Variants in CLEC2D observed in about 807,000 individuals in gnomAD.
CLEC2D encodes C-type lectin domain family 2 member D.
In CLEC2D, 16 loss-of-function variants were observed where a neutral mutation model predicts 20.0. The ratio of observed to expected loss-of-function variants is 0.80; its 90% CI spans 0.54 to 1.22. The LOEUF (loss-of-function observed/expected upper bound fraction) is 1.22, where lower values mean the gene tolerates loss of function less well. CLEC2D is among the 50% of genes most tolerant of loss of function. The pLI, the probability that CLEC2D is intolerant of heterozygous loss-of-function variation, is 0.00. For synonymous variants in CLEC2D, 77 were observed against 71.1 expected, an observed-to-expected ratio of 1.08 and a Z score of -0.42; for missense variants, 207 against 221.5, an observed-to-expected ratio of 0.93 and a Z score of 0.42.
Position 9,698,117 on chromosome 12 carries a change from GACA to G in CLEC2D, c.*3246_*3248del, listed in dbSNP as rs1440765663. On this transcript the variant is annotated 3_prime_UTR_variant, in exon 5 of 5. Coordinates refer to ENST00000290855, the MANE Select transcript of CLEC2D (RefSeq NM_013269.6). Reference sequence around the variant, plus strand: ...ATTTTTATTTTTTAAATTTTTAGCTGACAACTGTATAATTATGGAATACAATGT... The same window carrying G: ...ATTTTTATTTTTTAAATTTTTAGCTGACTGTATAATTATGGAATACAATGT... 2.0e-5 allele frequency: 3 copies of G among 152,010 alleles called. No homozygotes were observed. Among genetic ancestry groups the G allele is most frequent in the Admixed American group, 6.6e-5 (1 of 15,238 alleles). 9.4% of individuals were successfully genotyped at this position (152,010 alleles called of 1,614,324 possible). A position where few individuals can be genotyped will look rare whatever the true frequency, so the allele number is the denominator to read the frequency against.
chr12:9,683,069 G>A (rs1037138285), intron 2 of CLEC2D, among the ~76,000 whole-genome samples: 5 of 152,070 alleles, frequency 3.3e-5, no homozygotes, highest in African/African-American at 4.8e-5. Context: ...TCTCATTGTT[G>A]TTTTGATTTG....
Position 9,692,909 on chromosome 12 carries a change from A to G in CLEC2D, c.439A>G (p.Asn147Asp). The change falls in exon 4 of 5, where the codon AAT becomes GAT. Residue 147 changes from asparagine (N) to aspartate (D), a missense_variant. Transcript: ENST00000290855. ...REQGQPWKWINGTEWTRQFPI... is the reference protein window; with the variant it reads ...REQGQPWKWIDGTEWTRQFPI... Reference sequence around the variant, plus strand: ...ACAAGGCCAACCATGGAAATGGATAAATGGTACTGAATGGACAAGACAGTA... The same window carrying G: ...ACAAGGCCAACCATGGAAATGGATAGATGGTACTGAATGGACAAGACAGTA... 1.2e-6 allele frequency: 2 copies of G among 1,613,420 alleles called. No homozygotes were observed. Among genetic ancestry groups the G allele is most frequent in the Non-Finnish European group, 1.7e-6 (2 of 1,179,456 alleles).
intron 1 of CLEC2D, among the ~76,000 whole-genome samples, chr12:9,673,683 C>T (rs55939269): frequency 0.038 from 5,864 of 152,324 alleles, 186 homozygotes; most frequent in Middle Eastern, 0.068. Context: ...AACTGCCTCT[C>T]CCCTCAGGTT....
rs1439571609 is a variant in CLEC2D, at chr12:9,694,921, GATAA to G, written c.*48_*51del. ...TAATCTTTAGAAGCATATTGGAACT[GATAA>G]CTCCATTTTAAAATGAGCAAAGAAT... is the stretch of plus-strand genomic sequence containing the variant. On this transcript the variant is annotated 3_prime_UTR_variant, in exon 5 of 5. Transcript: ENST00000290855. The G allele has an allele frequency of 3.1e-6, 3 of 964,646 alleles. No homozygotes were observed. In the African/African-American group the frequency reaches 4.8e-5, roughly 16 times the overall value. The allele number at this position is 964,646 out of a possible 1,614,324, so 59.8% of individuals were successfully genotyped here. A position where few individuals can be genotyped will look rare whatever the true frequency, so the allele number is the denominator to read the frequency against.
In CLEC2D at chr12:9,695,046, T is replaced by C. The variant is rs1865950227; in HGVS notation, c.*172T>C. On this transcript the variant is annotated 3_prime_UTR_variant, in exon 5 of 5. Coordinates refer to ENST00000290855, the MANE Select transcript of CLEC2D (RefSeq NM_013269.6). ...AATCATAGTAAAATATTACCTGTTTTCATGGTGCTAATATTACCTGTTCTC... is the reference window on the plus strand; with the variant it reads ...AATCATAGTAAAATATTACCTGTTTCCATGGTGCTAATATTACCTGTTCTC... The C allele has an allele frequency of 3.4e-6, 2 of 592,794 alleles. No homozygotes were observed. The highest frequency in any genetic ancestry group is 5.8e-5 in the Admixed American group (2 of 34,388). 36.7% of individuals were successfully genotyped at this position (592,794 alleles called of 1,614,324 possible).
At chr12:9,681,069 A>G in intron 2 of CLEC2D, 36 bp downstream of exon 2, 1 of 1,052,546 alleles carries the variant, frequency 9.5e-7, no homozygotes, top group Non-Finnish European at 1.4e-6. Context: ...TCTAGAGAGA[A>G]TTATACTTGT....
intron 1 of CLEC2D, among the ~76,000 whole-genome samples, chr12:9,673,284 TTC>T (rs1414188121): frequency 6.6e-6 from 1 of 152,228 alleles, no homozygotes; most frequent in Non-Finnish European, 1.5e-5. Context: ...TGTTGTTACT[TTC>T]TGTTTGTTTG....
chr12:9,688,232 C>T, intron 3 of CLEC2D, 146 bp downstream of exon 3: 1 of 1,251,856 alleles, frequency 8.0e-7, no homozygotes, highest in East Asian at 3.1e-5. Context: ...GAAAGAGTAA[C>T]CTAGCATGTA....
At chr12:9,691,642 C>A (rs10844476) in intron 3 of CLEC2D, among the ~76,000 whole-genome samples, 1 of 152,068 alleles carries the variant, frequency 6.6e-6, no homozygotes, top group East Asian at 1.9e-4. Context: ...TTTAAAAACC[C>A]GCTCTTCAAC....
chr12:9,695,467 T>C lies in CLEC2D; in HGVS notation c.*593T>C. On this transcript the variant is annotated 3_prime_UTR_variant, in exon 5 of 5. Transcript: ENST00000290855. ...GTTGTGAACTAAAGGCCGACAAAGA[T>C]GATCACTTTAAGGTGGATAATGATG... 7.6e-7 allele frequency: 1 copy of C among 1,314,224 alleles called. No individual in the cohort carries two copies. The highest frequency in any genetic ancestry group is 2.6e-4 in the Middle Eastern group (1 of 3,876). The allele number at this position is 1,314,224 out of a possible 1,614,324, so 81.4% of individuals were successfully genotyped here.
At chr12:9,674,962 G>A (rs1865492889) in intron 1 of CLEC2D, among the ~76,000 whole-genome samples, 1 of 152,056 alleles carries the variant, frequency 6.6e-6, no homozygotes, top group South Asian at 2.1e-4. Flanking sequence ...TTAGGACTAT[G>A]ATACATTTTG....
chr12:9,675,335 A>G (rs1161370142), intron 1 of CLEC2D, among the ~76,000 whole-genome samples: 1 of 151,990 alleles, frequency 6.6e-6, no homozygotes, highest in African/African-American at 2.4e-5. Flanking sequence ...AGCTGGGACT[A>G]CAGACACCTG....
intron 3 of CLEC2D, among the ~76,000 whole-genome samples, chr12:9,689,738 CAATG>C (rs1865824615): frequency 6.6e-6 from 1 of 151,818 alleles, no homozygotes; most frequent in African/African-American, 2.4e-5. Flanking sequence ...TTTAAAAACT[CAATG>C]AAGAAGTTCA....
chr12:9,687,811 G>A (rs752250625), intron 2 of CLEC2D, 91 bp from the exon 3 acceptor site: 145 of 683,762 alleles, frequency 2.1e-4, no homozygotes, highest in Non-Finnish European at 3.0e-4. Flanking sequence ...CTTAACAGGA[G>A]TGTCAGAAAG....
At chr12:9,674,682 G>A (rs988436230) in intron 1 of CLEC2D, among the ~76,000 whole-genome samples, 1 of 152,204 alleles carries the variant, frequency 6.6e-6, no homozygotes, top group Non-Finnish European at 1.5e-5. Context: ...ATGTTTTAAT[G>A]TAACACTTAA....
At chr12:9,677,866 C>T (rs377555459) in intron 1 of CLEC2D, among the ~76,000 whole-genome samples, 3 of 151,904 alleles carry the variant, frequency 2.0e-5, no homozygotes, top group Non-Finnish European at 4.4e-5. Context: ...CTGGGAATAC[C>T]GGCAAATACC....
chr12:9,687,441 T>C (rs1343058878), intron 2 of CLEC2D, among the ~76,000 whole-genome samples: 1 of 152,206 alleles, frequency 6.6e-6, no homozygotes, highest in African/African-American at 2.4e-5. Context: ...CTTCACTTAC[T>C]CATTCGCTGC....
At chr12:9,681,105 AT>A in intron 2 of CLEC2D, 72 bp downstream of exon 2, 1 of 858,438 alleles carries the variant, frequency 1.2e-6, no homozygotes, top group Non-Finnish European at 1.8e-6. Flanking sequence ...AATCTGAATA[AT>A]TTTGTTATTC....
chr12:9,687,797 A>T, intron 2 of CLEC2D, 105 bp from the exon 3 acceptor site: 1 of 612,222 alleles, frequency 1.6e-6, no homozygotes, highest in Non-Finnish European at 2.5e-6. Context: ...TAATACATTT[A>T]ATACTTAACA....
Sources: allele counts gnomAD v4.1 joint callset (sites outside exome capture counted in the v4.1 genomes callset), GRCh38; gene constraint gnomAD v4.1.1; transcripts MANE v1.5; gene names NCBI Gene and HGNC (gene_info 2026-07-23, HGNC 2026-07-21).